SLC35F4: variants seen among roughly 807,000 people sequenced by gnomAD.
SLC35F4 encodes the protein solute carrier family 35 member F4.
SLC35F4 carries 24 observed loss-of-function variants against 44.2 expected under a neutral mutation model. The ratio of observed to expected loss-of-function variants is 0.54; its 90% CI spans 0.39 to 0.76. The LOEUF (loss-of-function observed/expected upper bound fraction) is 0.76, where lower values mean the gene tolerates loss of function less well. Among genes scored for constraint, SLC35F4 ranks in the 30% least tolerant of loss-of-function variants. SLC35F4 has a pLI of 0.00. For missense variants in SLC35F4, 562 were observed against 586.1 expected (o/e 0.96, Z 0.42); for synonymous variants, 238 against 223.6 (o/e 1.06, Z -0.57).
At chr14:57,811,003 C>T (rs1211713075) in intron 1 of SLC35F4, among the ~76,000 whole-genome samples, 1 of 152,146 alleles carries the variant, frequency 6.6e-6, no homozygotes, top group Non-Finnish European at 1.5e-5. Flanking sequence ...ATAAATAAAA[C>T]ATTTCTTATA....
intron 1 of SLC35F4, among the ~76,000 whole-genome samples, chr14:57,722,882 G>C (rs2076119038): frequency 1.3e-5 from 2 of 152,164 alleles, no homozygotes; most frequent in Admixed American, 6.5e-5. Flanking sequence ...CTGGTTTACA[G>C]ACTCAGAACA....
chr14:57,806,995 A>T (rs1881402778), intron 1 of SLC35F4, among the ~76,000 whole-genome samples: 1 of 152,238 alleles, frequency 6.6e-6, no homozygotes, highest in Non-Finnish European at 1.5e-5. Context: ...CAAAGCATAA[A>T]TAAATAACTC....
chr14:57,719,822 G>A (rs1018000708), intron 1 of SLC35F4, among the ~76,000 whole-genome samples: 8 of 151,698 alleles, frequency 5.3e-5, no homozygotes, highest in African/African-American at 1.9e-4. Context: ...TTGTCTAATT[G>A]CCCTAGCTAG....
intron 1 of SLC35F4, among the ~76,000 whole-genome samples, chr14:57,929,942 T>G (rs954754760): frequency 6.6e-6 from 1 of 152,138 alleles, no homozygotes; most frequent in African/African-American, 2.4e-5. Context: ...ACAAGAGTTC[T>G]TTTAGGAAGA....
At chr14:57,903,717 G>C (rs373999894) in intron 1 of SLC35F4, among the ~76,000 whole-genome samples, 1 of 152,178 alleles carries the variant, frequency 6.6e-6, no homozygotes, top group Non-Finnish European at 1.5e-5. Context: ...AGTCTAAAGT[G>C]CAATAGCAAG....
At chr14:57,623,212 A>T (rs751989278) in intron 1 of SLC35F4, among the ~76,000 whole-genome samples, 1 of 152,228 alleles carries the variant, frequency 6.6e-6, no homozygotes, top group Non-Finnish European at 1.5e-5. Context: ...AAAAAGACAA[A>T]GAAGGGCATT....
intron 1 of SLC35F4, among the ~76,000 whole-genome samples, chr14:57,624,313 TTACCAACCAAAAAA>T (rs1308359756): frequency 5.9e-5 from 9 of 152,098 alleles, no homozygotes; most frequent in Non-Finnish European, 1.2e-4. Flanking sequence ...AATTAATAGC[TTACCAACCAAAAAA>T]AGTCCAGGAC....
intron 1 of SLC35F4, among the ~76,000 whole-genome samples, chr14:57,798,121 C>CAAAAAAAAAA (rs60685029): frequency 4.8e-5 from 2 of 42,076 alleles, no homozygotes; most frequent in Non-Finnish European, 9.8e-5. Context: ...GACCCACGAG[C>CAAAAAAAAAA]AAAAAAAAAA....
rs376426218 is a variant in SLC35F4, at chr14:57,581,398, G to T, written c.623C>A (p.Thr208Lys). Residue 208 changes from threonine (T) to lysine (K), a missense_variant, in exon 4 of 8, where the codon ACG becomes AAG. Thr to Lys is a moderately conservative substitution (Grantham distance 78). Transcript: ENST00000556826. Reference sequence around the variant, plus strand: ...AGTTCTTTTAAGAAAGAGTTTCAGCGTCAGACCATCTTCACCAAAAATCCG... The same window carrying T: ...AGTTCTTTTAAGAAAGAGTTTCAGCTTCAGACCATCTTCACCAAAAATCCG... ...CSRIFGEDGLTLKLFLKRTAP... is the reference protein window; with the variant it reads ...CSRIFGEDGLKLKLFLKRTAP... The T allele has an allele frequency of 6.2e-7, 1 of 1,612,196 alleles. No homozygotes were observed. The highest frequency in any genetic ancestry group is 1.3e-5 in the African/African-American group (1 of 75,044).
intron 1 of SLC35F4, among the ~76,000 whole-genome samples, chr14:57,966,285 C>A (rs1012699475): frequency 1.3e-5 from 2 of 152,134 alleles, no homozygotes; most frequent in Admixed American, 1.3e-4. Flanking sequence ...TGTTCTCCTG[C>A]CTAGAGAGAG....
intron 1 of SLC35F4, among the ~76,000 whole-genome samples, chr14:57,820,527 T>C (rs903147828): frequency 3.3e-5 from 5 of 152,210 alleles, no homozygotes. Flanking sequence ...TCAAAAGCTA[T>C]ATATGTCTCA....
At chr14:57,870,124 C>CTGTG (rs34282878), upstream of SLC35F4, among the ~76,000 whole-genome samples, 1,680 of 146,142 alleles carry the variant, frequency 0.011, 17 homozygotes, top group East Asian at 0.046. Context: ...TGTCTATGAT[C>CTGTG]TGTGTGTGTG....
At chr14:57,884,263 G>A (rs754796157) in intron 1 of SLC35F4, among the ~76,000 whole-genome samples, 10 of 152,142 alleles carry the variant, frequency 6.6e-5, no homozygotes, top group Non-Finnish European at 1.2e-4. Context: ...TTCCTCAACA[G>A]ATTTTGGCTT....
intron 1 of SLC35F4, among the ~76,000 whole-genome samples, chr14:57,804,050 T>C (rs112877234): frequency 6.6e-6 from 1 of 152,036 alleles, no homozygotes; most frequent in East Asian, 1.9e-4. Flanking sequence ...TATCTAGGGA[T>C]ACAACTAAAA....
At chr14:57,601,680 A>C (rs1042639614) in intron 1 of SLC35F4, among the ~76,000 whole-genome samples, 1 of 152,220 alleles carries the variant, frequency 6.6e-6, no homozygotes, top group Non-Finnish European at 1.5e-5. Flanking sequence ...AAATAGTAGT[A>C]ATCTATCTAG....
chr14:57,944,641 A>G (rs529483134), intron 1 of SLC35F4, among the ~76,000 whole-genome samples: 2 of 151,566 alleles, frequency 1.3e-5, no homozygotes, highest in East Asian at 3.9e-4. Flanking sequence ...GAAAAAAGAA[A>G]AGAGGCAGGA....
chr14:57,937,064 C>CTTTTTT (rs11458039), intron 1 of SLC35F4, among the ~76,000 whole-genome samples: 13 of 144,214 alleles, frequency 9.0e-5, no homozygotes, highest in Non-Finnish European at 9.0e-5. Context: ...ATTTTACCTG[C>CTTTTTT]TTTTTTTTTT....
At chr14:57,587,391 A>G (rs917402253) in intron 3 of SLC35F4, among the ~76,000 whole-genome samples, 1 of 152,254 alleles carries the variant, frequency 6.6e-6, no homozygotes, top group Non-Finnish European at 1.5e-5. Flanking sequence ...CATCAATGAT[A>G]GACTGGATGA....
At chr14:57,796,459 T>C (rs2078055690) in intron 1 of SLC35F4, among the ~76,000 whole-genome samples, 1 of 152,208 alleles carries the variant, frequency 6.6e-6, no homozygotes, top group African/African-American at 2.4e-5. Context: ...ACAATCTTTT[T>C]ATAGTCACAG....
Sources: allele counts gnomAD v4.1 joint callset (sites outside exome capture counted in the v4.1 genomes callset), GRCh38; gene constraint gnomAD v4.1.1; transcripts MANE v1.5; gene names NCBI Gene and HGNC (gene_info 2026-07-23, HGNC 2026-07-21).